The following TMED3 variants were observed in gnomAD, a reference collection of about 807,000 sequenced individuals.
TMED3 encodes the protein transmembrane p24 trafficking protein 3.
In TMED3, 9 loss-of-function variants were observed where a neutral mutation model predicts 15.0. The observed-to-expected ratio is 0.60, with a 90% confidence interval of 0.36 to 1.04. TMED3 has a LOEUF of 1.04. TMED3 is among the 50% of genes least tolerant of loss of function. The probability of loss-of-function intolerance (pLI) is 0.01; values close to 1 mark genes in which losing one functional copy is unlikely to be tolerated. For synonymous variants in TMED3, 117 were observed against 121.4 expected (o/e 0.96, Z 0.24); for missense variants, 267 against 278.9 (o/e 0.96, Z 0.30).
intron 2 of TMED3, among the ~76,000 whole-genome samples, chr15:79,386,891 G>T (rs531816777): frequency 6.6e-6 from 1 of 150,498 alleles, no homozygotes; most frequent in Non-Finnish European, 1.5e-5. Context: ...TTTTGTTTAT[G>T]GCTAACACTT....
At chr15:79,383,003 A>G (rs1595907252) in intron 2 of TMED3, 2 of 1,535,328 alleles carry the variant, frequency 1.3e-6, no homozygotes, top group South Asian at 1.2e-5. Context: ...CGCCACCACT[A>G]AGGGTTCCAG....
chr15:79,369,906 G>A (rs1011042553), intron 2 of TMED3, among the ~76,000 whole-genome samples: 2 of 152,196 alleles, frequency 1.3e-5, no homozygotes, highest in Non-Finnish European at 2.9e-5. Context: ...AGTGGCAATA[G>A]CAGGTCCCTG....
chr15:79,394,382 TCTGGCTAGGAAGGCTGAGAGA>T (rs1186870015), intron 2 of TMED3, among the ~76,000 whole-genome samples: 1 of 152,214 alleles, frequency 6.6e-6, no homozygotes, highest in African/African-American at 2.4e-5. Context: ...TGGTTGTGTC[TCTGGCTAGGAAGGCTGAGAGA>T]CTGACTCATC....
At position 79,369,494 on chromosome 15, in the gene TMED3, C is replaced by G. The variant is rs143263495; in HGVS notation, c.418-41906C>G. Reference sequence around the variant, plus strand: ...AAGTGGTACATTTAAAGGTGGGATGCCTGTGCTTCTTCCCCTAAGCTGGCT... The same window carrying G: ...AAGTGGTACATTTAAAGGTGGGATGGCTGTGCTTCTTCCCCTAAGCTGGCT... On this transcript the variant is annotated intron_variant, in intron 2 of 2. Coordinates refer to the TMED3 transcript ENST00000424155. Among the ~76,000 whole-genome samples, 157 of 152,298 alleles carry G rather than the reference C, an allele frequency of 1.0e-3. 1 individual carries two copies. The highest frequency in any genetic ancestry group is 3.6e-3 in the African/African-American group (150 of 41,572).
chr15:79,399,427 T>C (rs1893805990), intron 2 of TMED3, among the ~76,000 whole-genome samples: 1 of 151,744 alleles, frequency 6.6e-6, no homozygotes, highest in African/African-American at 2.4e-5. Flanking sequence ...TTTGTGTGAG[T>C]CCAAAAACGC....
intron 2 of TMED3, among the ~76,000 whole-genome samples, chr15:79,354,926 C>T (rs1024177832): frequency 1.3e-5 from 2 of 152,226 alleles, no homozygotes; most frequent in African/African-American, 2.4e-5. Flanking sequence ...ATGACCTTAG[C>T]CCCATAATGC....
intron 2 of TMED3, among the ~76,000 whole-genome samples, chr15:79,335,973 A>C (rs1234149138): frequency 6.6e-6 from 1 of 150,428 alleles, no homozygotes; most frequent in African/African-American, 2.4e-5. Context: ...ACAGATGAGG[A>C]AACTGAGACA....
chr15:79,320,524 C>T (rs935834885), intron 2 of TMED3, among the ~76,000 whole-genome samples: 8 of 152,066 alleles, frequency 5.3e-5, no homozygotes, highest in Non-Finnish European at 7.4e-5. Context: ...GTGACTTGGT[C>T]TTTTCTAGTT....
intron 2 of TMED3, among the ~76,000 whole-genome samples, chr15:79,404,985 T>G (rs1893884464): frequency 6.6e-6 from 1 of 152,236 alleles, no homozygotes; most frequent in Non-Finnish European, 1.5e-5. Context: ...GAGGTGGCAC[T>G]GGTGTGTCAA....
chr15:79,410,832 A>G (rs1347569400), intron 2 of TMED3, among the ~76,000 whole-genome samples: 1 of 152,196 alleles, frequency 6.6e-6, no homozygotes, highest in African/African-American at 2.4e-5. Context: ...AATCTAAATT[A>G]TAATTTCCCA....
chr15:79,352,937 TACATATATA>T (rs1329602106), intron 2 of TMED3, among the ~76,000 whole-genome samples: 3 of 100,026 alleles, frequency 3.0e-5, no homozygotes, highest in African/African-American at 1.2e-4. Context: ...ATAATATATA[TACATATATA>T]ATATATGTAA....
chr15:79,383,613 G>A (rs997852034), intron 2 of TMED3: 1 of 152,470 alleles, frequency 6.6e-6, no homozygotes, highest in Non-Finnish European at 1.5e-5. Flanking sequence ...TATGCCTAGG[G>A]TATTGCCAAC....
At chr15:79,374,200 C>T (rs575295335) in intron 2 of TMED3, among the ~76,000 whole-genome samples, 8 of 152,142 alleles carry the variant, frequency 5.3e-5, no homozygotes, top group African/African-American at 1.2e-4. Flanking sequence ...CAGTTTCTTC[C>T]GGGGACTGCT....
chr15:79,384,653 G>A (rs2141251091), intron 2 of TMED3: 1 of 152,292 alleles, frequency 6.6e-6, no homozygotes, highest in East Asian at 1.9e-4. Context: ...AAGAAGGTAG[G>A]ATATAATAGC....
At chr15:79,352,694 G>C (rs2058896035) in intron 2 of TMED3, among the ~76,000 whole-genome samples, 1 of 141,304 alleles carries the variant, frequency 7.1e-6, no homozygotes, top group Non-Finnish European at 1.5e-5. Flanking sequence ...ATATGTAACT[G>C]AATATATATA....
chr15:79,349,992 C>G (rs763512387), intron 2 of TMED3, among the ~76,000 whole-genome samples: 3 of 152,152 alleles, frequency 2.0e-5, no homozygotes, highest in Non-Finnish European at 4.4e-5. Context: ...TATTTTCTTC[C>G]TGTTTGTTTT....
At chr15:79,401,063 A>G (rs904854938) in intron 2 of TMED3, among the ~76,000 whole-genome samples, 3 of 152,184 alleles carry the variant, frequency 2.0e-5, no homozygotes, top group Non-Finnish European at 4.4e-5. Flanking sequence ...CCCAGACCCC[A>G]TATATTTTAC....
At chr15:79,357,944 T>G (rs1946735531) in intron 2 of TMED3, among the ~76,000 whole-genome samples, 1 of 152,228 alleles carries the variant, frequency 6.6e-6, no homozygotes, top group Non-Finnish European at 1.5e-5. Context: ...TTGCTCTGTT[T>G]GAAAATTCTG....
At chr15:79,380,415 G>GTT (rs1226501466) in intron 2 of TMED3, among the ~76,000 whole-genome samples, 6 of 119,248 alleles carry the variant, frequency 5.0e-5, no homozygotes, top group Non-Finnish European at 9.9e-5. Flanking sequence ...TATATATATA[G>GTT]TTATATATAG....
Sources: gnomAD v4.1 joint callset for allele counts (sites outside exome capture counted in the v4.1 genomes callset) on GRCh38, gnomAD v4.1.1 for gene constraint, MANE v1.5 for transcripts, NCBI Gene and HGNC (gene_info 2026-07-23, HGNC 2026-07-21) for gene names.